NUTM2B: variants seen among roughly 807,000 people sequenced by gnomAD.
NUTM2B encodes NUT family member 2B.
NUTM2B carries 2 observed loss-of-function variants against 42.4 expected under a neutral mutation model. That is an observed-to-expected ratio of 0.05 (90% CI 0.02 to 0.15). The LOEUF is 0.15. Among genes scored for constraint, NUTM2B ranks in the 10% least tolerant of loss-of-function variants. The pLI is 1.00. For synonymous variants in NUTM2B, 18 were observed against 402.4 expected, an observed-to-expected ratio of 0.04 and a Z score of 11.43; for missense variants, 58 against 952.6, an observed-to-expected ratio of 0.06 and a Z score of 12.36.
chr10:79,698,147 G>A, the NUTM2B span, among the ~76,000 whole-genome samples: 48 of 130,028 alleles, frequency 3.7e-4, no homozygotes, highest in Admixed American at 3.8e-3. Flanking sequence ...CACCCTCCCA[G>A]ATAAAACCCA....
chr10:79,707,133 G>A (rs918184354), intron 2 of NUTM2B, among the ~76,000 whole-genome samples: 14 of 131,294 alleles, frequency 1.1e-4, no homozygotes, highest in Admixed American at 8.0e-4. Flanking sequence ...ACATGGGGCC[G>A]GGGGGAGGAG....
chr10:79,694,164 G>A, the NUTM2B span, among the ~76,000 whole-genome samples: 29 of 152,284 alleles, frequency 1.9e-4, no homozygotes, highest in Non-Finnish European at 3.4e-4. Context: ...TTGGGAGGCC[G>A]AGGCAGGTGG....
At chr10:79,694,971 G>A in the NUTM2B span, among the ~76,000 whole-genome samples, 2 of 152,156 alleles carry the variant, frequency 1.3e-5, no homozygotes, top group African/African-American at 4.8e-5. Context: ...GAGCACAAGA[G>A]GAGGCTCATC....
At chr10:79,702,244 C>T (rs1258310851), upstream of NUTM2B, among the ~76,000 whole-genome samples, 1 of 152,154 alleles carries the variant, frequency 6.6e-6, no homozygotes, top group African/African-American at 2.4e-5. Flanking sequence ...TGTAAGAAGG[C>T]AGTTCTGTCT....
At chr10:79,699,202 A>G (rs1201149193), upstream of NUTM2B, among the ~76,000 whole-genome samples, 2 of 151,846 alleles carry the variant, frequency 1.3e-5, no homozygotes, top group Non-Finnish European at 2.9e-5. Context: ...ACATCCACAA[A>G]ATAGACACAA....
In NUTM2B at chr10:79,706,501, CA is replaced by C. The variant is rs1393557652; in HGVS notation, c.843del (p.Pro282HisfsTer93). The stretch of plus-strand genomic sequence containing the variant: ...TGGTCCCAGGGCCTTCCTCTTCCAC[CA>C]CCACCACCACCGGCTGCCCAGCTGC... On this transcript the variant is annotated frameshift_variant, in exon 2 of 7. Coordinates refer to ENST00000429828, the Ensembl canonical transcript of NUTM2B. LOFTEE classifies it high-confidence loss of function. 1 of 599,050 alleles carries C rather than the reference CA, an allele frequency of 1.7e-6. No homozygotes were observed. Among genetic ancestry groups the C allele is most frequent in the African/African-American group, 2.5e-5 (1 of 39,294 alleles). 37.1% of individuals were successfully genotyped at this position (599,050 alleles called of 1,614,324 possible). A position where few individuals can be genotyped will look rare whatever the true frequency, so the allele number is the denominator to read the frequency against.
intron 2 of NUTM2B, among the ~76,000 whole-genome samples, chr10:79,706,971 C>T (rs1446196246): frequency 1.8e-5 from 2 of 112,034 alleles, no homozygotes; most frequent in Non-Finnish European, 3.4e-5. Context: ...CCGGCCAATC[C>T]TTACTTTCAA....
At chr10:79,693,234 A>G in the NUTM2B span, among the ~76,000 whole-genome samples, 4 of 152,306 alleles carry the variant, frequency 2.6e-5, no homozygotes, top group African/African-American at 9.6e-5. Context: ...GGGCATCAGA[A>G]CAGCCTCCTT....
chr10:79,692,757 C>T, the NUTM2B span, among the ~76,000 whole-genome samples: 1 of 152,204 alleles, frequency 6.6e-6, no homozygotes, highest in East Asian at 1.9e-4. Context: ...TGGGATACCT[C>T]CAGCTACATT....
chr10:79,696,934 G>A, the NUTM2B span, among the ~76,000 whole-genome samples: 1 of 135,040 alleles, frequency 7.4e-6, no homozygotes, highest in African/African-American at 2.8e-5. Flanking sequence ...CACTCTGATC[G>A]GCTGTCAGAG....
At chr10:79,692,496 G>A in the NUTM2B span, among the ~76,000 whole-genome samples, 1 of 152,194 alleles carries the variant, frequency 6.6e-6, no homozygotes, top group Non-Finnish European at 1.5e-5. Context: ...GACCATGGCT[G>A]CCCCTTGAGA....
chr10:79,693,186 C>T, the NUTM2B span, among the ~76,000 whole-genome samples: 6 of 152,212 alleles, frequency 3.9e-5, no homozygotes, highest in Non-Finnish European at 5.9e-5. Context: ...TGGTCTTGCC[C>T]GCTGAGTCTC....
At chr10:79,696,629 G>A in the NUTM2B span, among the ~76,000 whole-genome samples, 6 of 152,220 alleles carry the variant, frequency 3.9e-5, no homozygotes, top group Non-Finnish European at 7.3e-5. Context: ...TGGAAAAGAA[G>A]AAGGGGAAAT....
At chr10:79,700,994 C>T (rs553473803), upstream of NUTM2B, among the ~76,000 whole-genome samples, 27 of 152,346 alleles carry the variant, frequency 1.8e-4, no homozygotes, top group East Asian at 1.9e-4. Flanking sequence ...TTCGGTAATA[C>T]AAACCTGCAG....
chr10:79,700,872 T>C (rs542052864), upstream of NUTM2B, among the ~76,000 whole-genome samples: 34 of 152,260 alleles, frequency 2.2e-4, no homozygotes, highest in African/African-American at 7.0e-4. Context: ...GATGTGGAAA[T>C]GGAGGGACGC....
chr10:79,695,336 G>A, the NUTM2B span, among the ~76,000 whole-genome samples: 2 of 152,184 alleles, frequency 1.3e-5, no homozygotes, highest in African/African-American at 2.4e-5. Flanking sequence ...CGGAACTTCA[G>A]AAAGAAATGG....
chr10:79,711,936 C>T, exon 7 of NUTM2B: 1 of 1,523,802 alleles, frequency 6.6e-7, no homozygotes, highest in East Asian at 2.6e-5. Flanking sequence ...GGTCCGAAGA[C>T]TCTGTTGTGC....
chr10:79,701,299 T>C (rs1423805931), upstream of NUTM2B, among the ~76,000 whole-genome samples: 2 of 152,164 alleles, frequency 1.3e-5, no homozygotes, highest in Non-Finnish European at 2.9e-5. Context: ...AGAAATGTTT[T>C]TGTTGTAGCC....
At chr10:79,700,236 G>GT (rs1840287748), upstream of NUTM2B, among the ~76,000 whole-genome samples, 1 of 152,276 alleles carries the variant, frequency 6.6e-6, no homozygotes, top group African/African-American at 2.4e-5. Context: ...TGATCATTCT[G>GT]ATCAAGTCAA....
Sources: gnomAD v4.1 joint callset for allele counts (sites outside exome capture counted in the v4.1 genomes callset) on GRCh38, gnomAD v4.1.1 for gene constraint, MANE v1.5 for transcripts, NCBI Gene and HGNC (gene_info 2026-07-23, HGNC 2026-07-21) for gene names.